Variants in AGO3 observed in about 807,000 individuals in gnomAD.
The protein encoded by AGO3 is argonaute RISC catalytic component 3.
In AGO3, 16 loss-of-function variants were observed where a neutral mutation model predicts 105.5. The observed-to-expected ratio is 0.15, with a 90% CI of 0.10 to 0.23. AGO3 has a LOEUF of 0.23. AGO3 is among the 10% of genes least tolerant of loss of function. The probability of loss-of-function intolerance (pLI) is 1.00; values close to 1 mark genes in which losing one functional copy is unlikely to be tolerated. For missense variants in AGO3, 534 were observed against 1,088.0 expected, an observed-to-expected ratio of 0.49 and a Z score of 7.16; for synonymous variants, 340 against 367.3, an observed-to-expected ratio of 0.93 and a Z score of 0.85.
At chr1:35,978,210 T>A (rs1427718451) in intron 5 of AGO3, among the ~76,000 whole-genome samples, 1 of 152,114 alleles carries the variant, frequency 6.6e-6, no homozygotes, top group Non-Finnish European at 1.5e-5. Flanking sequence ...CACAATTTTT[T>A]TTGAGTTTTG....
chr1:35,937,621 C>T (rs1285105977), intron 1 of AGO3, among the ~76,000 whole-genome samples: 1 of 151,996 alleles, frequency 6.6e-6, no homozygotes, highest in Admixed American at 6.6e-5. Context: ...ACCTGGGAGG[C>T]GGAGGTTGCA....
At chr1:35,959,924 A>G (rs954657155) in intron 2 of AGO3, among the ~76,000 whole-genome samples, 37 of 152,112 alleles carry the variant, frequency 2.4e-4, no homozygotes, top group African/African-American at 7.9e-4. Flanking sequence ...TTAATCTTCA[A>G]ATTATTTTCA....
intron 5 of AGO3, among the ~76,000 whole-genome samples, chr1:36,003,156 G>C (rs188556132): frequency 1.7e-4 from 26 of 148,954 alleles, no homozygotes; most frequent in Admixed American, 1.7e-3. Context: ...TTTTTTTTTG[G>C]AGTAGAAAAA....
At chr1:35,969,383 T>C (rs774508139) in intron 3 of AGO3, among the ~76,000 whole-genome samples, 4 of 152,222 alleles carry the variant, frequency 2.6e-5, no homozygotes, top group Non-Finnish European at 5.9e-5. Context: ...TTAAGGATCC[T>C]GTTGCTCATT....
At chr1:35,990,987 G>T (rs746366448) in intron 5 of AGO3, among the ~76,000 whole-genome samples, 6 of 152,110 alleles carry the variant, frequency 3.9e-5, no homozygotes, top group Non-Finnish European at 5.9e-5. Flanking sequence ...GGCTTACCCA[G>T]GCGGGCTATC....
intron 3 of AGO3, among the ~76,000 whole-genome samples, chr1:35,968,322 A>G (rs181859443): frequency 4.6e-5 from 7 of 152,308 alleles, no homozygotes; most frequent in Admixed American, 3.9e-4. Flanking sequence ...TTTAAGGTAT[A>G]TTTCAGTGGT....
rs192223266 is a variant in AGO3 at position 35,978,277 on chromosome 1, C to T, written c.658+4766C>T. On this transcript the variant is annotated intron_variant, in intron 5 of 18. Coordinates refer to ENST00000373191, the MANE Select transcript of AGO3 (RefSeq NM_024852.4). ...CGATCTCGACTCACTGCAACCTCCGCCTCCCTGGTTCAAGCGATTGTCCTG... is the reference window on the plus strand; with the variant it reads ...CGATCTCGACTCACTGCAACCTCCGTCTCCCTGGTTCAAGCGATTGTCCTG... Among the ~76,000 whole-genome samples the T allele has an allele frequency of 3.8e-3, 577 of 152,212 alleles. 2 individuals are homozygous for T. Among genetic ancestry groups the T allele is most frequent in the African/African-American group, 0.013 (529 of 41,528 alleles).
chr1:36,030,728 G>A (rs1294449496), intron 12 of AGO3, among the ~76,000 whole-genome samples: 9 of 152,174 alleles, frequency 5.9e-5, no homozygotes, highest in East Asian at 1.9e-4. Flanking sequence ...TCATCCTCCC[G>A]CCTCAGCCTC....
At chr1:36,030,023 A>G (rs956023454) in intron 12 of AGO3, among the ~76,000 whole-genome samples, 2 of 152,140 alleles carry the variant, frequency 1.3e-5, no homozygotes, top group African/African-American at 4.8e-5. Flanking sequence ...CGGATGTACT[A>G]AAATGAAAAG....
chr1:35,966,664 AAG>A (rs1380627487), intron 2 of AGO3, among the ~76,000 whole-genome samples: 2 of 152,198 alleles, frequency 1.3e-5, no homozygotes, highest in African/African-American at 4.8e-5. Context: ...GAGATGGTAA[AAG>A]AGATTTTGAA....
intron 17 of AGO3, among the ~76,000 whole-genome samples, chr1:36,045,036 G>A (rs796112462): frequency 6.6e-5 from 10 of 152,144 alleles, no homozygotes; most frequent in African/African-American, 2.4e-4. Flanking sequence ...TCAGATTCAT[G>A]GCTTTAAATT....
rs1274631798 is a variant in AGO3, at chr1:36,071,063, A to G, written c.*15318A>G. ...CTTTCTTTAGTGTTTGGGGGACTCA[A>G]TGGTAATATGACCATTGCAGTGTAA... On this transcript the variant is annotated 3_prime_UTR_variant, in exon 19 of 19. Transcript: ENST00000373191. 1.3e-5 allele frequency: 2 copies of G among 152,206 alleles called. No homozygotes were observed. Among genetic ancestry groups the G allele is most frequent in the East Asian group, 1.9e-4 (1 of 5,200 alleles). 9.4% of individuals were successfully genotyped at this position (152,206 alleles called of 1,614,324 possible).
At chr1:36,023,948 T>A (rs1641367217) in intron 11 of AGO3, among the ~76,000 whole-genome samples, 1 of 152,116 alleles carries the variant, frequency 6.6e-6, no homozygotes. Context: ...TCAGTTCAGT[T>A]TCTTTTTAAT....
chr1:35,939,012 C>G (rs1003429962), intron 1 of AGO3, among the ~76,000 whole-genome samples: 1 of 152,098 alleles, frequency 6.6e-6, no homozygotes, highest in Non-Finnish European at 1.5e-5. Context: ...TTATCCAGTA[C>G]ATACAATAAC....
chr1:35,931,510 C>T, intron 1 of AGO3, 65 bp downstream of exon 1: 6 of 1,334,270 alleles, frequency 4.5e-6, no homozygotes, highest in Non-Finnish European at 5.8e-6. Flanking sequence ...AGCATCCCTG[C>T]TCCTCCCGCC....
At chr1:35,943,162 C>A (rs1646288932) in intron 1 of AGO3, among the ~76,000 whole-genome samples, 2 of 151,988 alleles carry the variant, frequency 1.3e-5, no homozygotes, top group South Asian at 4.1e-4. Context: ...CACAACCACA[C>A]CCAGGTAATT....
intron 5 of AGO3, among the ~76,000 whole-genome samples, chr1:36,001,913 A>T (rs1485445994): frequency 6.6e-6 from 1 of 152,190 alleles, no homozygotes; most frequent in East Asian, 1.9e-4. Context: ...ATGAAACTTT[A>T]TTCATGTATT....
intron 12 of AGO3, among the ~76,000 whole-genome samples, chr1:36,028,491 C>T (rs1225425049): frequency 2.7e-5 from 4 of 145,570 alleles, no homozygotes; most frequent in African/African-American, 1.0e-4. Context: ...TGAGAATATG[C>T]GGTGTTTGGT....
Position 36,067,004 on chromosome 1 carries a change from T to C in AGO3, c.*11259T>C, listed in dbSNP as rs914626731. On this transcript the variant is annotated 3_prime_UTR_variant, in exon 19 of 19. Transcript: ENST00000373191. ...GACCCAAAGGCACACCTATTCTCAG[T>C]AACTTAGAGAAGTCTTGGAAGTTGC... 6.6e-6 allele frequency: 1 copy of C among 152,230 alleles called. No individual in the cohort carries two copies. The highest frequency in any genetic ancestry group is 2.4e-5 in the African/African-American group (1 of 41,456). 9.4% of individuals were successfully genotyped at this position (152,230 alleles called of 1,614,324 possible).
Sources: gnomAD v4.1 joint callset for allele counts (sites outside exome capture counted in the v4.1 genomes callset) on GRCh38, gnomAD v4.1.1 for gene constraint, MANE v1.5 for transcripts, NCBI Gene and HGNC (gene_info 2026-07-23, HGNC 2026-07-21) for gene names.